The following PRKCE variants were observed in gnomAD, a reference collection of about 807,000 sequenced individuals.
The protein encoded by PRKCE is protein kinase C epsilon, also known as protein kinase C epsilon type.
A neutral mutation model predicts 85.4 loss-of-function variants in PRKCE; 16 were observed. The ratio of observed to expected loss-of-function variants is 0.19; its 90% CI spans 0.13 to 0.28. The LOEUF (loss-of-function observed/expected upper bound fraction) is 0.28, where lower values mean the gene tolerates loss of function less well. Among genes scored for constraint, PRKCE ranks in the 10% least tolerant of loss-of-function variants. PRKCE has a pLI of 1.00. For missense variants in PRKCE, 573 were observed against 975.2 expected, an observed-to-expected ratio of 0.59 and a Z score of 5.49; for synonymous variants, 388 against 371.5, an observed-to-expected ratio of 1.04 and a Z score of -0.51.
chr2:45,994,315 A>T (rs1704050514), intron 6 of PRKCE, among the ~76,000 whole-genome samples: 2 of 152,126 alleles, frequency 1.3e-5, no homozygotes, highest in South Asian at 2.1e-4. Flanking sequence ...CATAGTTTAC[A>T]TTAGGGCTCA....
At position 46,004,556 on chromosome 2, in the gene PRKCE, C is replaced by G. The variant is rs376171094; in HGVS notation, c.981C>G (p.Ala327=). The part of the protein sequence containing the change: ...GQRRKKLIAG[A]ESPQPASGSS... ...CTCCTCTCTAGCTCATTGCTGGTGC[C>G]GAGTCCCCGCAGCCTGCTTCTGGAA... The change falls in exon 8 of 15, where the codon GCC becomes GCG. Residue 327 remains alanine, a synonymous_variant. Transcript: ENST00000306156. This position sits in a 1 kb window ranked among gnomAD's most constrained non-coding sequence, Gnocchi z 4.1. 1.3e-6 allele frequency: 2 copies of G among 1,585,272 alleles called. No homozygotes were observed. The highest frequency in any genetic ancestry group is 1.7e-6 in the Non-Finnish European group (2 of 1,172,824).
intron 14 of PRKCE, among the ~76,000 whole-genome samples, chr2:46,171,272 G>T (rs978223900): frequency 1.8e-4 from 28 of 152,220 alleles, no homozygotes; most frequent in African/African-American, 5.8e-4. Context: ...TCTACATCGT[G>T]TTCTGTCCCA....
At chr2:45,711,146 T>A (rs1008456340) in intron 1 of PRKCE, among the ~76,000 whole-genome samples, 1 of 152,230 alleles carries the variant, frequency 6.6e-6, no homozygotes, top group Non-Finnish European at 1.5e-5. Flanking sequence ...ACCACTTACT[T>A]ACTCTATGTG....
intron 10 of PRKCE, among the ~76,000 whole-genome samples, chr2:46,034,939 T>C (rs767048514): frequency 3.9e-5 from 6 of 152,258 alleles, no homozygotes; most frequent in Non-Finnish European, 8.8e-5. Context: ...CTTAGAGTGA[T>C]AGCCCTACTA....
chr2:46,056,204 T>C (rs1224181166), intron 10 of PRKCE, among the ~76,000 whole-genome samples: 1 of 152,094 alleles, frequency 6.6e-6, no homozygotes, highest in Admixed American at 6.5e-5. Context: ...TTGCATTTGA[T>C]CTTGATCTTA....
intron 1 of PRKCE, among the ~76,000 whole-genome samples, chr2:45,806,458 C>A (rs183462554): frequency 2.3e-4 from 35 of 152,312 alleles, no homozygotes; most frequent in African/African-American, 7.5e-4. Flanking sequence ...ACATCTTACT[C>A]GTTTTTAAGT....
chr2:45,716,688 A>AAAG (rs1680141382), intron 1 of PRKCE, among the ~76,000 whole-genome samples: 1 of 113,546 alleles, frequency 8.8e-6, no homozygotes, highest in South Asian at 3.2e-4. Flanking sequence ...AAGAAGAAGA[A>AAAG]GAGAAGGAAG....
intron 1 of PRKCE, among the ~76,000 whole-genome samples, chr2:45,836,027 T>A (rs1416078910): frequency 1.3e-5 from 2 of 152,224 alleles, no homozygotes; most frequent in Non-Finnish European, 2.9e-5. Context: ...CTGTGAACAT[T>A]TCTGTATAGT....
intron 1 of PRKCE, chr2:45,677,816 G>A (rs2103898116): frequency 1.0e-6 from 1 of 984,974 alleles, no homozygotes; most frequent in Non-Finnish European, 1.2e-6. Context: ...GATCGTTGTG[G>A]AAAATTCTGT....
chr2:45,725,241 A>G (rs964365544), intron 1 of PRKCE, among the ~76,000 whole-genome samples: 2 of 152,194 alleles, frequency 1.3e-5, no homozygotes, highest in African/African-American at 4.8e-5. Flanking sequence ...AGCATGGTTT[A>G]CTGAATATTT....
intron 1 of PRKCE, among the ~76,000 whole-genome samples, chr2:45,769,483 A>G (rs1685151215): frequency 6.6e-6 from 1 of 152,172 alleles, no homozygotes; most frequent in Admixed American, 6.5e-5. Flanking sequence ...TTCATGCACA[A>G]TCGCTGGCGA....
At chr2:45,757,528 G>A (rs1035583549) in intron 1 of PRKCE, among the ~76,000 whole-genome samples, 19 of 151,856 alleles carry the variant, frequency 1.3e-4, no homozygotes, top group African/African-American at 4.6e-4. Context: ...TTAGCTGGAT[G>A]TGGTGGCATG....
At chr2:45,699,049 A>AT (rs1678393348) in intron 1 of PRKCE, among the ~76,000 whole-genome samples, 1 of 151,988 alleles carries the variant, frequency 6.6e-6, no homozygotes, top group Admixed American at 6.5e-5. Flanking sequence ...GTCTATTTCT[A>AT]TTTTTAATAG....
At chr2:45,675,311 T>A (rs1676381660) in intron 1 of PRKCE, 1 of 152,254 alleles carries the variant, frequency 6.6e-6, no homozygotes, top group Non-Finnish European at 1.5e-5. Flanking sequence ...TCAGCTCACC[T>A]TTTTCTCCAG....
intron 10 of PRKCE, among the ~76,000 whole-genome samples, chr2:46,012,440 A>T (rs981796943): frequency 2.6e-5 from 4 of 152,098 alleles, no homozygotes; most frequent in Admixed American, 2.6e-4. Context: ...GGGACTCCCA[A>T]GGTAGTGGGG....
intron 2 of PRKCE, among the ~76,000 whole-genome samples, chr2:45,850,330 C>G (rs1192351276): frequency 6.6e-6 from 1 of 152,168 alleles, no homozygotes; most frequent in Non-Finnish European, 1.5e-5. Context: ...TCTAATAGAT[C>G]CTTGGTCAAG....
At chr2:46,008,314 A>G (rs566859395) in intron 9 of PRKCE, among the ~76,000 whole-genome samples, 22 of 152,170 alleles carry the variant, frequency 1.4e-4, no homozygotes, top group Non-Finnish European at 2.4e-4. Context: ...AGTATGCTCA[A>G]TAAAGCACTA....
At chr2:45,657,177 A>G (rs1267483518) in intron 1 of PRKCE, among the ~76,000 whole-genome samples, 2 of 152,200 alleles carry the variant, frequency 1.3e-5, no homozygotes, top group Non-Finnish European at 2.9e-5. Flanking sequence ...TCTTTGGCGA[A>G]TGTCACTCCC....
At chr2:45,980,125 A>G (rs1192855941) in intron 4 of PRKCE, among the ~76,000 whole-genome samples, 171 bp from the exon 5 acceptor site, 2 of 152,220 alleles carry the variant, frequency 1.3e-5, no homozygotes, top group African/African-American at 2.4e-5. Flanking sequence ...CTCTGATAGG[A>G]CAGTGTTTTG....
Sources: gnomAD v4.1 joint callset for allele counts (sites outside exome capture counted in the v4.1 genomes callset) on GRCh38, gnomAD v4.1.1 for gene constraint, Gnocchi (gnomAD v3.1) non-coding constraint, MANE v1.5 for transcripts, NCBI Gene and HGNC (gene_info 2026-07-23, HGNC 2026-07-21) for gene names.